Variants in RAB3C observed in about 807,000 individuals in gnomAD.
The protein encoded by RAB3C is RAB3C, member RAS oncogene family, also known as ras-related protein Rab-3C.
In RAB3C, 17 loss-of-function variants were observed where a neutral mutation model predicts 26.4. That is an observed-to-expected ratio of 0.64 (90% CI 0.44 to 0.97). The LOEUF (loss-of-function observed/expected upper bound fraction) is 0.97. RAB3C is among the 50% of genes least tolerant of loss of function. The probability of loss-of-function intolerance (pLI) is 0.00; values close to 1 mark genes in which losing one functional copy is unlikely to be tolerated. For missense variants in RAB3C, 242 were observed against 281.9 expected, an observed-to-expected ratio of 0.86 and a Z score of 1.01; for synonymous variants, 91 against 95.9, an observed-to-expected ratio of 0.95 and a Z score of 0.30.
At chr5:58,822,883 G>C in intron 3 of RAB3C, 1 of 639,450 alleles carries the variant, frequency 1.6e-6, no homozygotes, top group Non-Finnish European at 3.0e-6. Context: ...AAGTGGAGAT[G>C]ACTGGAGATT....
chr5:58,803,831 C>G (rs1286378345), intron 3 of RAB3C, among the ~76,000 whole-genome samples: 1 of 152,052 alleles, frequency 6.6e-6, no homozygotes, highest in African/African-American at 2.4e-5. Flanking sequence ...GAGGCTGAGG[C>G]GGGTGGATCA....
Position 58,689,731 on chromosome 5 carries a change from GT to G in RAB3C, c.253-36270del, listed in dbSNP as rs576014311. Among the ~76,000 whole-genome samples the G allele has an allele frequency of 1.6e-4, 25 of 152,196 alleles. No homozygotes were observed. In the East Asian group the frequency reaches 4.8e-3, roughly 29 times the overall value. ...CATTCATTCCCTTGACACAAGTTAAGTGGGGTGGAAATGTCCTCTGTTCAGG... is the reference window on the plus strand; with the variant it reads ...CATTCATTCCCTTGACACAAGTTAAGGGGGTGGAAATGTCCTCTGTTCAGG... On this transcript the variant is annotated intron_variant, in intron 2 of 4. Coordinates refer to ENST00000282878, the MANE Select transcript of RAB3C (RefSeq NM_138453.4).
intron 4 of RAB3C, among the ~76,000 whole-genome samples, chr5:58,829,833 ATT>A (rs1328139345): frequency 1.3e-5 from 2 of 152,100 alleles, no homozygotes; most frequent in African/African-American, 4.8e-5. Context: ...ATATTCTTAT[ATT>A]TTGCCATTTT....
intron 4 of RAB3C, among the ~76,000 whole-genome samples, chr5:58,842,074 A>G (rs1579948928): frequency 6.6e-6 from 1 of 152,254 alleles, no homozygotes; most frequent in South Asian, 2.1e-4. Context: ...TCATTTCCCC[A>G]TTGACCATAC....
At chr5:58,770,318 A>G (rs2111987275) in intron 3 of RAB3C, among the ~76,000 whole-genome samples, 1 of 152,304 alleles carries the variant, frequency 6.6e-6, no homozygotes, top group East Asian at 1.9e-4. Context: ...TCACTGAAAC[A>G]GCTTGAAATA....
intron 3 of RAB3C, among the ~76,000 whole-genome samples, chr5:58,797,405 A>G (rs1742697736): frequency 6.9e-6 from 1 of 145,278 alleles, no homozygotes; most frequent in Admixed American, 6.9e-5. Flanking sequence ...ATACACAGAG[A>G]GAGAGAGAGA....
intron 3 of RAB3C, among the ~76,000 whole-genome samples, chr5:58,819,993 C>A (rs1215116525): frequency 6.6e-6 from 1 of 152,110 alleles, no homozygotes; most frequent in African/African-American, 2.4e-5. Context: ...GCTTATATTG[C>A]CAAAGTCATA....
At chr5:58,806,646 C>T (rs1259517503) in intron 3 of RAB3C, among the ~76,000 whole-genome samples, 1 of 152,082 alleles carries the variant, frequency 6.6e-6, no homozygotes, top group Admixed American at 6.5e-5. Context: ...GCATCTCTGG[C>T]CTCTATCTAT....
At position 58,836,982 on chromosome 5, in the gene RAB3C, A is replaced by C. The variant is rs77170841; in HGVS notation, c.496+11820A>C. ...TACTGTTCTCCATAGTGGTTATACT[A>C]GTTTACATTCTTACCAACAGTGTAT... On this transcript the variant is annotated intron_variant, in intron 4 of 4. Coordinates refer to ENST00000282878, the MANE Select transcript of RAB3C (RefSeq NM_138453.4). 5.3e-4 allele frequency among the ~76,000 whole-genome samples: 81 copies of C among 152,256 alleles called. 1 individual carries two copies. In the East Asian group the frequency reaches 0.013, roughly 25 times the overall value.
At chr5:58,669,842 A>T (rs1428691877) in intron 2 of RAB3C, among the ~76,000 whole-genome samples, 1 of 152,178 alleles carries the variant, frequency 6.6e-6, no homozygotes, top group Non-Finnish European at 1.5e-5. Flanking sequence ...AGAACTCATC[A>T]TCCAGTTCCC....
intron 3 of RAB3C, chr5:58,817,157 T>C (rs1743235239): frequency 6.6e-6 from 1 of 152,208 alleles, no homozygotes; most frequent in Non-Finnish European, 1.5e-5. Context: ...ACATAATGAC[T>C]AAGTAAGAAC....
At chr5:58,720,716 A>C (rs1488795304) in intron 2 of RAB3C, among the ~76,000 whole-genome samples, 1 of 151,886 alleles carries the variant, frequency 6.6e-6, no homozygotes. Flanking sequence ...TTCTCCACCT[A>C]TAAAATTGTC....
At chr5:58,654,989 T>C (rs997859069) in intron 2 of RAB3C, among the ~76,000 whole-genome samples, 1 of 152,208 alleles carries the variant, frequency 6.6e-6, no homozygotes, top group African/African-American at 2.4e-5. Flanking sequence ...ATTACATATA[T>C]ACATACTCTT....
intron 4 of RAB3C, among the ~76,000 whole-genome samples, chr5:58,843,191 C>T (rs1357747109): frequency 6.6e-6 from 1 of 152,216 alleles, no homozygotes; most frequent in Non-Finnish European, 1.5e-5. Context: ...ATGTTAGTTA[C>T]ATTTAAGATT....
In RAB3C at chr5:58,725,429, T is replaced by G. The variant is rs568885285; in HGVS notation, c.253-573T>G. Reference sequence around the variant, plus strand: ...TAGTCTTATTTGGGTCAAATCTGTTTGGTATTCCCTGACCTTGCTACCTCT... The same window carrying G: ...TAGTCTTATTTGGGTCAAATCTGTTGGGTATTCCCTGACCTTGCTACCTCT... On this transcript the variant is annotated intron_variant, in intron 2 of 4. Transcript: ENST00000282878. Among the ~76,000 whole-genome samples, 3 of 152,014 alleles carry G rather than the reference T, an allele frequency of 2.0e-5. No homozygotes were observed. In the South Asian group the frequency reaches 6.2e-4, roughly 31 times the overall value.
At chr5:58,590,046 T>C (rs1269718416) in intron 1 of RAB3C, among the ~76,000 whole-genome samples, 1 of 152,222 alleles carries the variant, frequency 6.6e-6, no homozygotes. Flanking sequence ...AACACATTGA[T>C]TTTAGCTGGG....
chr5:58,665,232 T>G (rs901936114), intron 2 of RAB3C, among the ~76,000 whole-genome samples: 14 of 152,160 alleles, frequency 9.2e-5, no homozygotes, highest in African/African-American at 3.4e-4. Context: ...AAAAAATCAT[T>G]ATATATTGTT....
intron 1 of RAB3C, among the ~76,000 whole-genome samples, chr5:58,596,381 T>C (rs1746249079): frequency 6.6e-6 from 1 of 150,640 alleles, no homozygotes. Flanking sequence ...TCTACTTCTC[T>C]CTGTCTATAA....
chr5:58,592,639 G>T (rs1746159207), intron 1 of RAB3C, among the ~76,000 whole-genome samples: 1 of 151,940 alleles, frequency 6.6e-6, no homozygotes, highest in Admixed American at 6.6e-5. Context: ...ATCTGATAAT[G>T]GTTTTTTAAA....
Sources: gnomAD v4.1 joint callset for allele counts (sites outside exome capture counted in the v4.1 genomes callset) on GRCh38, gnomAD v4.1.1 for gene constraint, MANE v1.5 for transcripts, NCBI Gene and HGNC (gene_info 2026-07-23, HGNC 2026-07-21) for gene names.